Variants in LCA5L observed in about 807,000 individuals in gnomAD.
LCA5L encodes the protein lebercilin LCA5 like.
A neutral mutation model predicts 45.4 loss-of-function variants in LCA5L; 35 were observed. That is an observed-to-expected ratio of 0.77 (90% confidence interval 0.59 to 1.02). The LOEUF is 1.02. Among genes scored for constraint, LCA5L ranks in the 50% least tolerant of loss-of-function variants. The pLI is 0.00. For missense variants in LCA5L, 668 were observed against 761.6 expected, an observed-to-expected ratio of 0.88 and a Z score of 1.45; for synonymous variants, 233 against 264.7, an observed-to-expected ratio of 0.88 and a Z score of 1.16.
intron 7 of LCA5L, among the ~76,000 whole-genome samples, chr21:39,418,563 C>A (rs530785027): frequency 6.6e-6 from 1 of 152,104 alleles, no homozygotes; most frequent in South Asian, 2.1e-4. Context: ...TGCAGTGGCA[C>A]AATCTTGGCT....
chr21:39,428,444 C>T lies in LCA5L; in HGVS notation c.50G>A (p.Gly17Asp), dbSNP rs2075138784. The part of the protein sequence containing the change: ...TKTNIDEHFF[G>D]VALENNRRSA... ...CCTCCTATTGTTTTCTAATGCCACG[C>T]CGAAGAAATGCTCATCTATATTTGT... The change falls in exon 5 of 11, where the codon GGC becomes GAC. Residue 17 changes from glycine to aspartate, a missense_variant. Coordinates refer to ENST00000288350, the MANE Select transcript of LCA5L (RefSeq NM_152505.4). The T allele has an allele frequency of 6.2e-7, 1 of 1,610,936 alleles. No homozygotes were observed. The highest frequency in any genetic ancestry group is 1.1e-5 in the South Asian group (1 of 90,686).
At chr21:39,427,186 G>T (rs1295342301) in intron 5 of LCA5L, among the ~76,000 whole-genome samples, 1 of 152,200 alleles carries the variant, frequency 6.6e-6, no homozygotes, top group African/African-American at 2.4e-5. Context: ...GAAGTGCTCT[G>T]ATGGTCAACA....
At chr21:39,419,538 A>AAG (rs1555897353) in intron 7 of LCA5L, among the ~76,000 whole-genome samples, 1 of 151,330 alleles carries the variant, frequency 6.6e-6, no homozygotes, top group African/African-American at 2.4e-5. Context: ...AAAAAAAAGA[A>AAG]AAAAGAAAAA....
chr21:39,418,646 C>T (rs1186808268), intron 7 of LCA5L, among the ~76,000 whole-genome samples: 2 of 152,010 alleles, frequency 1.3e-5, no homozygotes, highest in African/African-American at 2.4e-5. Context: ...ATTACAGGCA[C>T]GCATCACCAT....
chr21:39,434,880 T>A (rs2837033), intron 3 of LCA5L, among the ~76,000 whole-genome samples: 115,954 of 152,110 alleles, frequency 0.76, 44,566 homozygotes, highest in African/African-American at 0.84. Flanking sequence ...TCTTCCAGGG[T>A]CTGGGGTTAT....
rs889818310 is a variant in LCA5L, at chr21:39,422,745, A to C, written c.837+231T>G. The C allele has an allele frequency of 1.5e-5, 8 of 551,400 alleles. No individual in the cohort carries two copies. In the African/African-American group the frequency reaches 1.5e-4, roughly 11 times the overall value. 34.2% of individuals were successfully genotyped at this position (551,400 alleles called of 1,614,324 possible). A position where few individuals can be genotyped will look rare whatever the true frequency, so the allele number is the denominator to read the frequency against. On this transcript the variant is annotated intron_variant, in intron 6 of 10. Transcript: ENST00000288350. The stretch of plus-strand genomic sequence containing the variant: ...GATAAACCAGTCCAGCCACAGAGTG[A>C]ACTCTTGTGCACTGCAACAGATGAA...
intron 7 of LCA5L, among the ~76,000 whole-genome samples, chr21:39,415,177 C>A (rs2040914551): frequency 6.6e-6 from 1 of 152,140 alleles, no homozygotes; most frequent in African/African-American, 2.4e-5. Flanking sequence ...ATGATGTAAG[C>A]CACCATGCCT....
In LCA5L at chr21:39,406,291, T is replaced by C. The variant is rs1431867353; in HGVS notation, c.1604A>G (p.His535Arg). 3 of 1,614,126 alleles carry C rather than the reference T, an allele frequency of 1.9e-6. No individual in the cohort carries two copies. Among genetic ancestry groups the C allele is most frequent in the Non-Finnish European group, 2.5e-6 (3 of 1,180,046 alleles). The change falls in exon 11 of 11, where the codon CAT becomes CGT. Residue 535 changes from histidine to arginine, a missense_variant. Coordinates refer to ENST00000288350, the MANE Select transcript of LCA5L (RefSeq NM_152505.4). The stretch of plus-strand genomic sequence containing the variant: ...TGGCCCCCCTGAAGCAGGAAGCCCA[T>C]GATGCAGGTTTTCAGTTGCTTCTGT... ...SFTEATENLH[H>R]GLPASGGPAN...
intron 7 of LCA5L, among the ~76,000 whole-genome samples, chr21:39,418,783 A>T (rs1266329137): frequency 6.6e-6 from 1 of 152,224 alleles, no homozygotes; most frequent in Non-Finnish European, 1.5e-5. Context: ...TACAGGTGTG[A>T]GCCACCATGC....
chr21:39,406,699 C>T (rs980283197), intron 10 of LCA5L, 87 bp from the exon 11 acceptor site: 19 of 998,654 alleles, frequency 1.9e-5, no homozygotes, highest in Non-Finnish European at 2.7e-5. Flanking sequence ...CTTACGTGCA[C>T]CGCCTCACAA....
chr21:39,420,522 CAAA>C (rs397972848), intron 7 of LCA5L, among the ~76,000 whole-genome samples, 181 bp downstream of exon 7: 2 of 87,146 alleles, frequency 2.3e-5, no homozygotes, highest in South Asian at 5.1e-4. Context: ...GATTCTATCT[CAAA>C]AAAAAAAAAA....
intron 6 of LCA5L, chr21:39,422,738 C>G (rs2073977629): frequency 1.8e-6 from 1 of 544,836 alleles, no homozygotes; most frequent in African/African-American, 1.9e-5. Flanking sequence ...AGTCCAGCCA[C>G]AGAGTGAACT....
chr21:39,433,519 T>C (rs1475644353), intron 3 of LCA5L, among the ~76,000 whole-genome samples: 1 of 152,120 alleles, frequency 6.6e-6, no homozygotes, highest in Non-Finnish European at 1.5e-5. Context: ...TCTAGAAGTT[T>C]TACTTTAAAT....
In LCA5L at chr21:39,405,924, C is replaced by T; in HGVS notation, c.1971G>A (p.Lys657=). 1 of 1,609,478 alleles carries T rather than the reference C, an allele frequency of 6.2e-7. No individual in the cohort carries two copies. The highest frequency in any genetic ancestry group is 1.1e-5 in the South Asian group (1 of 90,852). Residue 657 remains lysine (K), a synonymous_variant, in exon 11 of 11, where the codon AAG becomes AAA. Coordinates refer to ENST00000288350, the MANE Select transcript of LCA5L (RefSeq NM_152505.4). ...DSKVTVVNSI[K]PSSPTEGKRK... is the part of the protein sequence containing the mutation. ...TTTTTCCTTCTGTAGGTGACGATGG[C>T]TTAATAGAATTTACCACAGTTACTT...
intron 3 of LCA5L, among the ~76,000 whole-genome samples, chr21:39,432,588 A>G (rs2075849314): frequency 6.6e-6 from 1 of 152,192 alleles, no homozygotes; most frequent in South Asian, 2.1e-4. Flanking sequence ...CCATGAAACT[A>G]TCACCACAAT....
At chr21:39,414,067 G>C (rs2040591635) in intron 7 of LCA5L, 1 of 152,284 alleles carries the variant, frequency 6.6e-6, no homozygotes, top group African/African-American at 2.4e-5. Flanking sequence ...CACAACCCGG[G>C]ATACTTGTGT....
intron 7 of LCA5L, 136 bp from the exon 8 acceptor site, chr21:39,411,938 A>T (rs1413955869): frequency 1.8e-6 from 1 of 568,986 alleles, no homozygotes; most frequent in Non-Finnish European, 3.2e-6. Flanking sequence ...GAAATAGGCC[A>T]TATCATCCTA....
intron 1 of LCA5L, chr21:39,444,819 G>C (rs1272946384): frequency 6.6e-6 from 1 of 152,312 alleles, no homozygotes; most frequent in Non-Finnish European, 1.5e-5. Flanking sequence ...GGAATTTCCA[G>C]CAACTATGAT....
intron 6 of LCA5L, chr21:39,422,727 C>A: frequency 1.9e-6 from 1 of 531,810 alleles, no homozygotes; most frequent in Non-Finnish European, 3.3e-6. Context: ...CCAGATAAAC[C>A]AGTCCAGCCA....
Sources: allele counts gnomAD v4.1 joint callset (sites outside exome capture counted in the v4.1 genomes callset), GRCh38; gene constraint gnomAD v4.1.1; transcripts MANE v1.5; gene names NCBI Gene and HGNC (gene_info 2026-07-23, HGNC 2026-07-21).